Variants in DLGAP2 observed in about 807,000 individuals in gnomAD.
DLGAP2 encodes disks large-associated protein 2.
DLGAP2 carries 26 observed loss-of-function variants against 100.3 expected under a neutral mutation model. That is an observed-to-expected ratio of 0.26 (90% CI 0.19 to 0.36). DLGAP2 has a LOEUF of 0.36. Among genes scored for constraint, DLGAP2 ranks in the 10% least tolerant of loss-of-function variants. The pLI is 1.00. For missense variants in DLGAP2, 1,858 were observed against 1,453.2 expected, an observed-to-expected ratio of 1.28 and a Z score of -4.53; for synonymous variants, 886 against 630.1, an observed-to-expected ratio of 1.41 and a Z score of -6.08.
chr8:1,380,824 C>T (rs1014117878), intron 3 of DLGAP2, among the ~76,000 whole-genome samples: 14 of 149,894 alleles, frequency 9.3e-5, no homozygotes, highest in Non-Finnish European at 5.9e-5. Context: ...TATTAAATTC[C>T]ATGGAGACTA....
At chr8:1,302,308 T>C (rs1357330950) in intron 3 of DLGAP2, 2 of 133,040 alleles carry the variant, frequency 1.5e-5, no homozygotes, top group African/African-American at 6.6e-5. Flanking sequence ...CGGAATTTTC[T>C]GTGAGTTCCC....
chr8:1,509,340 A>C (rs940372132), intron 4 of DLGAP2, among the ~76,000 whole-genome samples: 7 of 138,690 alleles, frequency 5.0e-5, no homozygotes, highest in East Asian at 2.1e-4. Flanking sequence ...AAAAAAAAAA[A>C]AAAACCGTAT....
chr8:1,038,611 A>G (rs1802201286), intron 2 of DLGAP2, among the ~76,000 whole-genome samples: 1 of 152,242 alleles, frequency 6.6e-6, no homozygotes, highest in African/African-American at 2.4e-5. Context: ...TAATTTGGAT[A>G]AATTGAAAGC....
Position 1,408,851 on chromosome 8 carries a change from C to T in DLGAP2, c.107-92515C>T, listed in dbSNP as rs533223735. 1.4e-4 allele frequency among the ~76,000 whole-genome samples: 22 copies of T among 152,150 alleles called. No homozygotes were observed. In the South Asian group the frequency reaches 1.5e-3, roughly 10 times the overall value. On this transcript the variant is annotated intron_variant, in intron 3 of 14. Transcript: ENST00000637795. The stretch of plus-strand genomic sequence containing the variant: ...TTGACTGTCATTTAACATTAAGGTG[C>T]GCAGGGCACAGAGAAGAAAGCTGGG...
chr8:1,303,708 C>G (rs900432535), intron 3 of DLGAP2, among the ~76,000 whole-genome samples: 1 of 152,164 alleles, frequency 6.6e-6, no homozygotes, highest in African/African-American at 2.4e-5. Context: ...CCTTGGGAGG[C>G]ACGGGTGCTT....
chr8:929,988 G>A (rs1209329172), intron 2 of DLGAP2, among the ~76,000 whole-genome samples: 3 of 152,000 alleles, frequency 2.0e-5, no homozygotes, highest in Non-Finnish European at 4.4e-5. Flanking sequence ...CTAATTTTCT[G>A]TGTTGTGTCT....
chr8:1,034,608 C>G (rs56368182), intron 2 of DLGAP2, among the ~76,000 whole-genome samples: 6,437 of 42,262 alleles, frequency 0.15, 316 homozygotes, highest in Middle Eastern at 0.22. Flanking sequence ...GGTTCACAGC[C>G]TCATCCCGAC....
Position 1,171,720 on chromosome 8 carries a change from G to C in DLGAP2, c.74-87131G>C, listed in dbSNP as rs1209405602. ...AGGATTGCAACCCCTGCCTTTTTTT[G>C]TTTTCCATTGGCTTGGTAGATCTTC... On this transcript the variant is annotated intron_variant, in intron 2 of 14. Transcript: ENST00000637795. Among the ~76,000 whole-genome samples the C allele has an allele frequency of 2.6e-5, 4 of 151,470 alleles. No individual in the cohort carries two copies. In the East Asian group the frequency reaches 5.8e-4, roughly 22 times the overall value.
chr8:1,178,718 C>T (rs1458854838), intron 2 of DLGAP2, among the ~76,000 whole-genome samples: 4 of 152,180 alleles, frequency 2.6e-5, no homozygotes, highest in Non-Finnish European at 5.9e-5. Flanking sequence ...AACTGCTGGG[C>T]AGTGCTTTTC....
chr8:1,527,880 C>T (rs1279981524), intron 4 of DLGAP2, among the ~76,000 whole-genome samples: 2 of 151,674 alleles, frequency 1.3e-5, no homozygotes, highest in South Asian at 4.2e-4. Context: ...AAAAAAAATA[C>T]ACAGCTCATC....
chr8:1,465,583 C>T (rs978944122), intron 3 of DLGAP2, among the ~76,000 whole-genome samples: 1 of 152,210 alleles, frequency 6.6e-6, no homozygotes, highest in African/African-American at 2.4e-5. Flanking sequence ...GGGCACCACC[C>T]TCCAGGAACC....
chr8:1,442,832 C>T (rs1227499585), intron 3 of DLGAP2, among the ~76,000 whole-genome samples: 3 of 149,618 alleles, frequency 2.0e-5, no homozygotes, highest in Non-Finnish European at 2.9e-5. Context: ...AGGCATAGAC[C>T]CTCTAGGCTG....
chr8:1,031,592 G>A (rs1033180598), intron 2 of DLGAP2, among the ~76,000 whole-genome samples: 1 of 151,840 alleles, frequency 6.6e-6, no homozygotes, highest in African/African-American at 2.4e-5. Context: ...TGTATTTTTT[G>A]TAGAGACGAG....
intron 3 of DLGAP2, among the ~76,000 whole-genome samples, chr8:1,448,442 G>C (rs544056291): frequency 6.6e-6 from 1 of 152,260 alleles, no homozygotes; most frequent in African/African-American, 2.4e-5. Context: ...TTGCACTGTG[G>C]TCTGAGAGAC....
At chr8:895,616 G>A (rs1376715540) in intron 1 of DLGAP2, among the ~76,000 whole-genome samples, 3 of 152,192 alleles carry the variant, frequency 2.0e-5, no homozygotes, top group African/African-American at 7.2e-5. Flanking sequence ...CCATTGCAGT[G>A]GGTTTTGAGC....
chr8:1,663,451 G>A (rs867608878), intron 8 of DLGAP2, among the ~76,000 whole-genome samples: 9 of 152,052 alleles, frequency 5.9e-5, no homozygotes, highest in South Asian at 4.2e-4. Context: ...TTCGTGGGAC[G>A]CCGGACACCG....
intron 2 of DLGAP2, among the ~76,000 whole-genome samples, chr8:1,212,718 AT>A (rs1216037719): frequency 1.3e-5 from 2 of 151,348 alleles, no homozygotes; most frequent in Non-Finnish European, 2.9e-5. Flanking sequence ...TTATATCTTT[AT>A]TTTTCCAGTA....
At chr8:779,771 T>C (rs1821637222) in intron 1 of DLGAP2, among the ~76,000 whole-genome samples, 1 of 152,176 alleles carries the variant, frequency 6.6e-6, no homozygotes, top group South Asian at 2.1e-4. Flanking sequence ...GGGCCACATT[T>C]CTCTGTGTCA....
chr8:1,164,944 T>C (rs1401935574), intron 2 of DLGAP2, among the ~76,000 whole-genome samples: 1 of 152,052 alleles, frequency 6.6e-6, no homozygotes. Context: ...GATAAAGTTG[T>C]TGAGCTGTAG....
Sources: gnomAD v4.1 joint callset for allele counts (sites outside exome capture counted in the v4.1 genomes callset) on GRCh38, gnomAD v4.1.1 for gene constraint, MANE v1.5 for transcripts, NCBI Gene and HGNC (gene_info 2026-07-23, HGNC 2026-07-21) for gene names.